The following STKLD1 variants were observed in gnomAD, a reference collection of about 807,000 sequenced individuals.
STKLD1 encodes serine/threonine kinase like domain containing 1, also known as serine/threonine kinase-like domain-containing protein STKLD1.
Under a neutral mutation model 80.4 loss-of-function variants are expected in STKLD1, and 79 were observed. The ratio of observed to expected loss-of-function variants is 0.98; its 90% CI spans 0.82 to 1.19. The LOEUF (loss-of-function observed/expected upper bound fraction) is 1.19. STKLD1 is among the 50% of genes most tolerant of loss of function. STKLD1 has a pLI of 0.00. For missense variants in STKLD1, 841 were observed against 856.0 expected, an observed-to-expected ratio of 0.98 and a Z score of 0.22; for synonymous variants, 393 against 357.6, an observed-to-expected ratio of 1.10 and a Z score of -1.12.
rs147504673 is a variant in STKLD1, at chr9:133,378,224, T to C, written c.88-812T>C. Among the ~76,000 whole-genome samples, 28 of 152,342 alleles carry C rather than the reference T, an allele frequency of 1.8e-4. No homozygotes were observed. In the East Asian group the frequency reaches 5.4e-3, roughly 29 times the overall value. ...GTCATGAGCAGGCTGCTCACAAGGCTGGATTACAGACTCCTAAGACTTTTA... is the reference window on the plus strand; with the variant it reads ...GTCATGAGCAGGCTGCTCACAAGGCCGGATTACAGACTCCTAAGACTTTTA... On this transcript the variant is annotated intron_variant, in intron 1 of 17. Coordinates refer to ENST00000371957, the MANE Select transcript of STKLD1 (RefSeq NM_153710.5).
At chr9:133,388,217 C>T (rs1838306053) in intron 5 of STKLD1, among the ~76,000 whole-genome samples, 1 of 152,220 alleles carries the variant, frequency 6.6e-6, no homozygotes, top group Admixed American at 6.5e-5. Flanking sequence ...TCCCGATCCA[C>T]ATGGAGGCCA....
At chr9:133,397,827 G>GT (rs1201967762) in intron 10 of STKLD1, 145 bp from the exon 11 acceptor site, 12 of 637,470 alleles carry the variant, frequency 1.9e-5, no homozygotes, top group South Asian at 6.0e-5. Context: ...AGTGGGGATG[G>GT]TAACAGCCCC....
Position 133,405,259 on chromosome 9 carries a change from C to T in STKLD1, c.1881C>T (p.Ile627=), listed in dbSNP as rs867489212. The T allele has an allele frequency of 6.2e-6, 10 of 1,604,070 alleles. 1 individual carries two copies. In the Middle Eastern group the frequency reaches 1.7e-3, roughly 276 times the overall value. Residue 627 remains isoleucine (I), a synonymous_variant, in exon 18 of 18, where the codon ATC becomes ATT. Coordinates refer to ENST00000371957, the MANE Select transcript of STKLD1 (RefSeq NM_153710.5). ...LLVHLASYEE[I]LPELVSSSMK... is the part of the protein sequence containing the mutation. Reference sequence around the variant, plus strand: ...TTCCTGCTCCACCTGCAGAGGAGATCCTGCCGGAGCTGGTGTCCAGTAGTA... The same window carrying T: ...TTCCTGCTCCACCTGCAGAGGAGATTCTGCCGGAGCTGGTGTCCAGTAGTA...
rs1554777920 is a variant in STKLD1, at chr9:133,402,887, C to A, written c.1349C>A (p.Ser450Ter). The change falls in exon 14 of 18, where the codon TCA (serine) becomes TAA (stop). Residue 450 changes from serine (S) to a stop codon, truncating the protein, a stop_gained. Coordinates refer to ENST00000371957, the MANE Select transcript of STKLD1 (RefSeq NM_153710.5). LOFTEE classifies it high-confidence loss of function. ...LAITTTQESE[S>*]LSEELQNAGL... ...TCTGGCTCACCCACAGAGTCAGAGT[C>A]ACTGTCAGAGGAGCTGCAGAATGCT... The A allele has an allele frequency of 1.3e-6, 2 of 1,595,978 alleles. No homozygotes were observed. The highest frequency in any genetic ancestry group is 2.3e-5 in the South Asian group (2 of 87,740).
intron 2 of STKLD1, among the ~76,000 whole-genome samples, chr9:133,382,776 G>C (rs1009935739): frequency 6.8e-6 from 1 of 147,310 alleles, no homozygotes; most frequent in East Asian, 2.0e-4. Flanking sequence ...GATGATGGTG[G>C]TGATGATGGT....
chr9:133,396,788 A>T (rs994343449), intron 9 of STKLD1, among the ~76,000 whole-genome samples: 1 of 151,942 alleles, frequency 6.6e-6, no homozygotes, highest in Non-Finnish European at 1.5e-5. Context: ...AAAACAAAAA[A>T]CCCAACATAT....
At position 133,376,551 on chromosome 9, in the gene STKLD1, G is replaced by A; in HGVS notation, c.78G>A (p.Glu26=). The part of the protein sequence containing the change: ...RGPGSPGEPM[E]KYQVLYQLNP... ...CAGGGTCCCCCGGAGAGCCCATGGA[G>A]AAGTACCAGGTGCCGAGTGTTCCCT... Residue 26 remains glutamate, a synonymous_variant, in exon 1 of 18, where the codon GAG becomes GAA. Coordinates refer to ENST00000371957, the MANE Select transcript of STKLD1 (RefSeq NM_153710.5). The A allele has an allele frequency of 6.3e-7, 1 of 1,597,484 alleles. No individual in the cohort carries two copies.
At chr9:133,398,720 A>G (rs782622881) in intron 11 of STKLD1, among the ~76,000 whole-genome samples, 1 of 152,204 alleles carries the variant, frequency 6.6e-6, no homozygotes, top group African/African-American at 2.4e-5. Flanking sequence ...TTGAGGCTAT[A>G]GTGAGCTACG....
Position 133,400,358 on chromosome 9 carries a change from A to G in STKLD1, c.1082-55A>G, listed in dbSNP as rs587717597. ...GCCTCTGGGGGCCCTGGTCGGGTCT[A>G]TATGCCCCCGATCTGGCCCAAAATG... is the stretch of plus-strand genomic sequence containing the variant. On this transcript the variant is annotated intron_variant, in intron 11 of 17. Transcript: ENST00000371957. 15 of 1,395,842 alleles carry G rather than the reference A, an allele frequency of 1.1e-5. No individual in the cohort carries two copies. The African/African-American group carries it at 1.3e-4, about 12-fold the overall frequency. 86.5% of individuals were successfully genotyped at this position (1,395,842 alleles called of 1,614,324 possible). A position where few individuals can be genotyped will look rare whatever the true frequency, so the allele number is the denominator to read the frequency against.
intron 7 of STKLD1, among the ~76,000 whole-genome samples, chr9:133,391,679 A>C (rs1178374516): frequency 6.6e-6 from 1 of 151,856 alleles, no homozygotes; most frequent in Non-Finnish European, 1.5e-5. Context: ...GCTCGTTAAG[A>C]GTCATCACCA....
intron 2 of STKLD1, among the ~76,000 whole-genome samples, chr9:133,381,532 C>T (rs1838134691): frequency 6.7e-6 from 1 of 149,104 alleles, no homozygotes; most frequent in African/African-American, 2.5e-5. Context: ...CACACTGCAA[C>T]CCCCTTCTCC....
At chr9:133,392,074 CTTTTTTTTTTTT>C (rs869053878) in intron 7 of STKLD1, among the ~76,000 whole-genome samples, 2 of 132,778 alleles carry the variant, frequency 1.5e-5, no homozygotes, top group Non-Finnish European at 3.2e-5. Context: ...GCACTCTGTC[CTTTTTTTTTTTT>C]TTTTTTTTGA....
At chr9:133,377,578 G>A (rs960245733) in intron 1 of STKLD1, among the ~76,000 whole-genome samples, 1 of 152,144 alleles carries the variant, frequency 6.6e-6, no homozygotes, top group East Asian at 1.9e-4. Flanking sequence ...CTGGAGAATC[G>A]CTTGAACCCA....
intron 17 of STKLD1, 42 bp downstream of exon 17, chr9:133,404,971 G>A: frequency 6.2e-7 from 1 of 1,603,006 alleles, no homozygotes; most frequent in East Asian, 2.2e-5. Context: ...GAGCCCAGCG[G>A]TCAGGGGTGC....
chr9:133,388,223 G>T (rs1231118936), intron 5 of STKLD1, among the ~76,000 whole-genome samples: 1 of 152,168 alleles, frequency 6.6e-6, no homozygotes, highest in Non-Finnish European at 1.5e-5. Flanking sequence ...TCCACATGGA[G>T]GCCAGCACTT....
intron 2 of STKLD1, among the ~76,000 whole-genome samples, chr9:133,383,499 G>GTGATGGTGA (rs1393835907): frequency 1.5e-4 from 1 of 6,466 alleles, no homozygotes. Context: ...GATGATGGTG[G>GTGATGGTGA]TGATGGTGAT....
chr9:133,376,767 ACT>A (rs2119197494), intron 1 of STKLD1, among the ~76,000 whole-genome samples: 1 of 152,254 alleles, frequency 6.6e-6, no homozygotes, highest in South Asian at 2.1e-4. Flanking sequence ...TTGTGAATTG[ACT>A]AAGGATTCTC....
intron 5 of STKLD1, among the ~76,000 whole-genome samples, chr9:133,388,028 G>A (rs2130281610): frequency 5.9e-5 from 9 of 152,186 alleles, no homozygotes; most frequent in Non-Finnish European, 1.2e-4. Flanking sequence ...CCAGTTTGGG[G>A]CTATTGTGAA....
chr9:133,380,114 C>T (rs1029415121), intron 2 of STKLD1, among the ~76,000 whole-genome samples: 4 of 152,146 alleles, frequency 2.6e-5, no homozygotes, highest in Non-Finnish European at 5.9e-5. Context: ...CAGCTCACTG[C>T]AACCTCTGCC....
Sources: gnomAD v4.1 joint callset for allele counts (sites outside exome capture counted in the v4.1 genomes callset) on GRCh38, gnomAD v4.1.1 for gene constraint, MANE v1.5 for transcripts, NCBI Gene and HGNC (gene_info 2026-07-23, HGNC 2026-07-21) for gene names.